Variants in FAM171A1 observed in about 807,000 individuals in gnomAD.
FAM171A1 encodes family with sequence similarity 171 member A1, also known as protein FAM171A1.
A neutral mutation model predicts 74.9 loss-of-function variants in FAM171A1; 23 were observed. The observed-to-expected ratio is 0.31, with a 90% confidence interval of 0.22 to 0.44. The LOEUF is 0.44. Among genes scored for constraint, FAM171A1 ranks in the 20% least tolerant of loss-of-function variants. The pLI is 1.00. For missense variants in FAM171A1, 1,162 were observed against 1,159.2 expected, an observed-to-expected ratio of 1.00 and a Z score of -0.03; for synonymous variants, 527 against 505.7, an observed-to-expected ratio of 1.04 and a Z score of -0.57.
intron 1 of FAM171A1, among the ~76,000 whole-genome samples, chr10:15,293,702 C>G (rs1311557417): frequency 6.6e-6 from 1 of 152,124 alleles, no homozygotes; most frequent in East Asian, 1.9e-4. Flanking sequence ...GGTGTGAACA[C>G]TGATACTATG....
upstream of FAM171A1, among the ~76,000 whole-genome samples, chr10:15,371,617 T>C (rs1236208082): frequency 6.6e-6 from 1 of 152,128 alleles, no homozygotes; most frequent in Non-Finnish European, 1.5e-5. Context: ...ACACCCAGTG[T>C]TAAAGATCCG....
intron 1 of FAM171A1, among the ~76,000 whole-genome samples, chr10:15,312,644 C>A (rs1435167666): frequency 8.3e-6 from 1 of 120,386 alleles, no homozygotes; most frequent in African/African-American, 3.2e-5. Context: ...GAATGTAAAT[C>A]AACTACTGGA....
At chr10:15,222,912 C>T (rs1834057666) in intron 5 of FAM171A1, among the ~76,000 whole-genome samples, 4 of 152,264 alleles carry the variant, frequency 2.6e-5, no homozygotes, top group Admixed American at 2.6e-4. Context: ...AGACTGTAAG[C>T]AAGGTTTTGC....
chr10:15,279,946 G>A (rs1834945988), intron 2 of FAM171A1, among the ~76,000 whole-genome samples: 1 of 152,128 alleles, frequency 6.6e-6, no homozygotes, highest in Non-Finnish European at 1.5e-5. Context: ...AATTAGCTGA[G>A]TGTGGTGGCG....
At chr10:15,242,195 A>C (rs925679010) in intron 5 of FAM171A1, among the ~76,000 whole-genome samples, 1 of 152,166 alleles carries the variant, frequency 6.6e-6, no homozygotes, top group African/African-American at 2.4e-5. Flanking sequence ...TTCCTGATCT[A>C]ATACCGTCTT....
chr10:15,347,084 T>A (rs1287583429), intron 1 of FAM171A1, among the ~76,000 whole-genome samples: 1 of 152,114 alleles, frequency 6.6e-6, no homozygotes, highest in Admixed American at 6.5e-5. Flanking sequence ...TTTAAAAGAA[T>A]GGGAAAATCA....
intron 1 of FAM171A1, among the ~76,000 whole-genome samples, chr10:15,331,001 T>C (rs958067529): frequency 1.3e-5 from 2 of 152,260 alleles, no homozygotes; most frequent in South Asian, 2.1e-4. Flanking sequence ...GCAATTCTCC[T>C]GCCTCAGTCT....
intron 5 of FAM171A1, among the ~76,000 whole-genome samples, chr10:15,224,259 C>T (rs1834076946): frequency 6.6e-6 from 1 of 151,994 alleles, no homozygotes; most frequent in African/African-American, 2.4e-5. Flanking sequence ...GTACAAAGGC[C>T]TGGTGTGGTG....
At position 15,213,946 on chromosome 10, in the gene FAM171A1, G is replaced by T; in HGVS notation, c.1642C>A (p.Leu548Ile). 6.2e-7 allele frequency: 1 copy of T among 1,614,172 alleles called. No homozygotes were observed. Among genetic ancestry groups the T allele is most frequent in the Non-Finnish European group, 8.5e-7 (1 of 1,180,028 alleles). The change falls in exon 8 of 8, where the codon CTC becomes ATC. Residue 548 changes from leucine to isoleucine, a missense_variant. Physicochemically the swap from Leu to Ile is conservative, Grantham distance 5. Coordinates refer to ENST00000378116, the MANE Select transcript of FAM171A1 (RefSeq NM_001010924.2). The surrounding 1 kb of genome is among the most constrained non-coding windows in gnomAD (Gnocchi z 6.8). ...CGTGGGAAGGACGTAGGTCTCTCGAGGTGATCTACTGATCGCGACATCATA... is the reference window on the plus strand; with the variant it reads ...CGTGGGAAGGACGTAGGTCTCTCGATGTGATCTACTGATCGCGACATCATA... The part of the protein sequence containing the change: ...ECMMSRSVDH[L>I]ERPTSFPRPG...
upstream of FAM171A1, among the ~76,000 whole-genome samples, chr10:15,371,899 G>A (rs958827634): frequency 6.6e-6 from 1 of 152,204 alleles, no homozygotes; most frequent in East Asian, 1.9e-4. Flanking sequence ...TTCTGCAGTC[G>A]GGGAGAAAGG....
chr10:15,331,895 A>G lies in FAM171A1; in HGVS notation c.97+39061T>C, dbSNP rs1474615462. ...TGTGTGTATACATATATATATATAT[A>G]TGAAACAATTAAGATTCAAGACCTG... On this transcript the variant is annotated intron_variant, in intron 1 of 7. Transcript: ENST00000378116. Among the ~76,000 whole-genome samples, 35 of 140,684 alleles carry G rather than the reference A, an allele frequency of 2.5e-4. 1 individual carries two copies. The South Asian group carries it at 7.2e-3, about 29-fold the overall frequency. The allele number at this position is 140,684 out of a possible 152,430, so 92.3% of individuals were successfully genotyped here.
At chr10:15,368,392 C>T (rs1836092118) in intron 1 of FAM171A1, among the ~76,000 whole-genome samples, 1 of 152,198 alleles carries the variant, frequency 6.6e-6, no homozygotes, top group African/African-American at 2.4e-5. Context: ...TGGACTACTA[C>T]AGTATATGAT....
At chr10:15,298,436 G>A (rs910862855) in intron 1 of FAM171A1, among the ~76,000 whole-genome samples, 2 of 152,130 alleles carry the variant, frequency 1.3e-5, no homozygotes, top group Non-Finnish European at 2.9e-5. Flanking sequence ...ACCCGGCCAT[G>A]AATCAACCAG....
At chr10:15,355,144 G>A (rs1835918663) in intron 1 of FAM171A1, among the ~76,000 whole-genome samples, 1 of 152,218 alleles carries the variant, frequency 6.6e-6, no homozygotes, top group Admixed American at 6.5e-5. Context: ...AAGTGCAGTG[G>A]CAGAATCATG....
At chr10:15,358,143 T>G (rs1835954453) in intron 1 of FAM171A1, among the ~76,000 whole-genome samples, 1 of 152,036 alleles carries the variant, frequency 6.6e-6, no homozygotes, top group South Asian at 2.1e-4. Flanking sequence ...GCCCAGCTAA[T>G]TTTTAAATTT....
At position 15,214,434 on chromosome 10, in the gene FAM171A1, G is replaced by T. The variant is rs762538513; in HGVS notation, c.1154C>A (p.Pro385His). 6.2e-7 allele frequency: 1 copy of T among 1,614,142 alleles called. No individual in the cohort carries two copies. ...GPLSVTSHGR[P>H]EAPGTKELMS... is the part of the protein sequence containing the mutation. ...CAGTTCCTTCGTGCCGGGGGCCTCG[G>T]GGCGGCCGTGGCTGGTGACGGACAG... Residue 385 changes from proline to histidine, a missense_variant, in exon 8 of 8, where the codon CCC (proline) becomes CAC (histidine). Physicochemically the swap from Pro to His is moderately conservative, Grantham distance 77 (BLOSUM62 -2). Coordinates refer to ENST00000378116, the MANE Select transcript of FAM171A1 (RefSeq NM_001010924.2).
rs965464366 is a variant in FAM171A1 at position 15,230,537 on chromosome 10, T to G, written c.755-9477A>C. ...TCTGTTTGAAGCATGAAATCATGAA[T>G]GTGTTGAATATTAGAAATTAACACG... is the stretch of plus-strand genomic sequence containing the variant. On this transcript the variant is annotated intron_variant, in intron 5 of 7. Transcript: ENST00000378116. 3.3e-5 allele frequency among the ~76,000 whole-genome samples: 5 copies of G among 152,254 alleles called. No individual in the cohort carries two copies. The South Asian group carries it at 1.0e-3, about 31-fold the overall frequency.
intron 1 of FAM171A1, among the ~76,000 whole-genome samples, chr10:15,296,434 G>C (rs1588539073): frequency 6.6e-6 from 1 of 152,016 alleles, no homozygotes; most frequent in East Asian, 1.9e-4. Flanking sequence ...GTACATTTGA[G>C]GACTCCCTTA....
intron 3 of FAM171A1, among the ~76,000 whole-genome samples, chr10:15,272,825 A>G (rs562272482): frequency 6.6e-6 from 1 of 152,358 alleles, no homozygotes; most frequent in Non-Finnish European, 1.5e-5. Flanking sequence ...GCAGAAATAA[A>G]GATTTCTTTG....
Sources: allele counts gnomAD v4.1 joint callset (sites outside exome capture counted in the v4.1 genomes callset), GRCh38; gene constraint gnomAD v4.1.1; non-coding constraint Gnocchi (gnomAD v3.1); transcripts MANE v1.5; gene names NCBI Gene and HGNC (gene_info 2026-07-23, HGNC 2026-07-21).